The following VPS35L variants were observed in gnomAD, a reference collection of about 807,000 sequenced individuals.
VPS35L encodes the protein VPS35 endosomal protein-sorting factor-like.
Under a neutral mutation model 133.0 loss-of-function variants are expected in VPS35L, and 83 were observed. The observed-to-expected ratio is 0.62, with a 90% CI of 0.52 to 0.75. The LOEUF is 0.75. VPS35L is among the 30% of genes least tolerant of loss of function. The pLI is 0.00. For synonymous variants in VPS35L, 423 were observed against 449.9 expected, an observed-to-expected ratio of 0.94 and a Z score of 0.76; for missense variants, 1,083 against 1,206.8, an observed-to-expected ratio of 0.90 and a Z score of 1.52.
chr16:19,657,968 A>T (rs557658298), intron 26 of VPS35L, among the ~76,000 whole-genome samples: 55 of 152,284 alleles, frequency 3.6e-4, no homozygotes, highest in Non-Finnish European at 4.7e-4. Flanking sequence ...AGCAGGGCAG[A>T]TGGCATCAAG....
chr16:19,594,861 T>A (rs1445629752), intron 8 of VPS35L, among the ~76,000 whole-genome samples: 1 of 151,730 alleles, frequency 6.6e-6, no homozygotes, highest in African/African-American at 2.4e-5. Context: ...TTAAGTAAGG[T>A]GCTCAGAGGA....
chr16:19,575,534 G>GC (rs1260255954), intron 5 of VPS35L, among the ~76,000 whole-genome samples: 1 of 149,042 alleles, frequency 6.7e-6, no homozygotes, highest in South Asian at 2.1e-4. Context: ...TCATTGCACT[G>GC]CAGCCTGGGT....
In VPS35L at chr16:19,609,001, T is replaced by C. The variant is rs781083448; in HGVS notation, c.909T>C (p.Cys303=). ...ACGTGGAGGCATCCATCCTGAAATG[T>C]AACAAATTCCTCTCCAAAACGTAAG... ...RFYVEASILK[C]NKFLSKTGIS... Residue 303 remains cysteine (C), a synonymous_variant, in exon 11 of 31, where the codon TGT becomes TGC. Coordinates refer to ENST00000417362, the MANE Select transcript of VPS35L (RefSeq NM_020314.7). 1.9e-6 allele frequency: 3 copies of C among 1,614,014 alleles called. No individual in the cohort carries two copies. The East Asian group carries it at 6.7e-5, about 36-fold the overall frequency.
chr16:19,667,869 T>G (rs1014635729), intron 26 of VPS35L, among the ~76,000 whole-genome samples: 4 of 152,170 alleles, frequency 2.6e-5, no homozygotes, highest in Non-Finnish European at 4.4e-5. Context: ...CCCATGACAG[T>G]ACCCTGTTCA....
chr16:19,637,912 G>A (rs1973670747), intron 20 of VPS35L, among the ~76,000 whole-genome samples: 1 of 152,112 alleles, frequency 6.6e-6, no homozygotes, highest in Non-Finnish European at 1.5e-5. Context: ...ATAAGTAAGG[G>A]CATTACACAA....
intron 27 of VPS35L, among the ~76,000 whole-genome samples, chr16:19,682,019 C>T (rs1471896968): frequency 2.0e-5 from 3 of 152,126 alleles, no homozygotes; most frequent in African/African-American, 4.8e-5. Context: ...CAGACAGGAG[C>T]GTGTTGATTC....
At chr16:19,568,306 C>CCTTTT (rs1467923321) in intron 2 of VPS35L, among the ~76,000 whole-genome samples, 1 of 145,002 alleles carries the variant, frequency 6.9e-6, no homozygotes, top group African/African-American at 2.5e-5. Context: ...CCGCCCCCCC[C>CCTTTT]TTTTTTTTTT....
intron 3 of VPS35L, 76 bp downstream of exon 3, chr16:19,569,667 T>C: frequency 7.3e-7 from 1 of 1,374,820 alleles, no homozygotes; most frequent in Admixed American, 3.0e-5. Flanking sequence ...TCTTGTGCCC[T>C]GCCCTTTTTT....
intron 26 of VPS35L, among the ~76,000 whole-genome samples, chr16:19,666,912 C>CTTTA (rs1474704742): frequency 9.8e-6 from 1 of 101,748 alleles, no homozygotes; most frequent in Non-Finnish European, 1.9e-5. Flanking sequence ...TTCTTTCTTT[C>CTTTA]TTTCTTTCTT....
intron 28 of VPS35L, among the ~76,000 whole-genome samples, chr16:19,689,696 T>C (rs950064157): frequency 2.0e-5 from 3 of 152,084 alleles, no homozygotes; most frequent in Non-Finnish European, 2.9e-5. Context: ...GGTGATAAAA[T>C]TTCACTTCGT....
chr16:19,677,141 C>T (rs1170725586), intron 27 of VPS35L, among the ~76,000 whole-genome samples: 1 of 151,296 alleles, frequency 6.6e-6, no homozygotes, highest in Non-Finnish European at 1.5e-5. Flanking sequence ...TCTCGGTTCA[C>T]TGTAACCTCC....
chr16:19,609,713 T>A (rs1038941067), intron 11 of VPS35L, among the ~76,000 whole-genome samples: 5 of 152,186 alleles, frequency 3.3e-5, no homozygotes, highest in Non-Finnish European at 7.3e-5. Flanking sequence ...CGATTGGATT[T>A]AGAATTTATC....
At chr16:19,620,255 A>G (rs1170689754) in intron 14 of VPS35L, among the ~76,000 whole-genome samples, 1 of 152,208 alleles carries the variant, frequency 6.6e-6, no homozygotes, top group Non-Finnish European at 1.5e-5. Context: ...AAAAAATCCA[A>G]CAGTTAAATA....
chr16:19,653,307 A>C (rs1424921612), intron 26 of VPS35L, among the ~76,000 whole-genome samples: 2 of 152,114 alleles, frequency 1.3e-5, no homozygotes, highest in Non-Finnish European at 2.9e-5. Context: ...CAGGGTACCC[A>C]CCCTGCAGGC....
intron 8 of VPS35L, among the ~76,000 whole-genome samples, chr16:19,592,575 G>A (rs1166202593): frequency 2.6e-5 from 4 of 151,996 alleles, no homozygotes; most frequent in Non-Finnish European, 4.4e-5. Flanking sequence ...AGTTGCCTGA[G>A]CTGGGAATCT....
At chr16:19,618,500 G>C (rs937521743) in intron 14 of VPS35L, among the ~76,000 whole-genome samples, 2 of 152,114 alleles carry the variant, frequency 1.3e-5, no homozygotes, top group African/African-American at 4.8e-5. Flanking sequence ...CTGACGTAAG[G>C]GTATTCATGG....
intron 8 of VPS35L, among the ~76,000 whole-genome samples, chr16:19,595,280 G>GCCTAACATGGTGAAATCCCATCT (rs1436372738): frequency 6.6e-6 from 1 of 152,132 alleles, no homozygotes; most frequent in Non-Finnish European, 1.5e-5. Context: ...GCCTGTGGCA[G>GCCTAACATGGTGAAATCCCATCT]CACTTGCGGT....
At chr16:19,668,270 G>A (rs928764253) in intron 26 of VPS35L, among the ~76,000 whole-genome samples, 4 of 152,232 alleles carry the variant, frequency 2.6e-5, no homozygotes, top group African/African-American at 7.2e-5. Context: ...ATCTTGTCGG[G>A]TAGTTTAAAA....
At chr16:19,658,035 A>G (rs1974361229) in intron 26 of VPS35L, among the ~76,000 whole-genome samples, 1 of 152,122 alleles carries the variant, frequency 6.6e-6, no homozygotes. Context: ...AGGGAGTGTC[A>G]AGGCCTGGGA....
Sources: allele counts gnomAD v4.1 joint callset (sites outside exome capture counted in the v4.1 genomes callset), GRCh38; gene constraint gnomAD v4.1.1; transcripts MANE v1.5; gene names NCBI Gene and HGNC (gene_info 2026-07-23, HGNC 2026-07-21).